ASAP3: variants seen among roughly 807,000 people sequenced by gnomAD.
ASAP3 encodes ArfGAP with SH3 domain, ankyrin repeat and PH domain 3.
A neutral mutation model predicts 118.2 loss-of-function variants in ASAP3; 85 were observed. The ratio of observed to expected loss-of-function variants is 0.72; its 90% CI spans 0.60 to 0.86. ASAP3 has a LOEUF of 0.86. Among genes scored for constraint, ASAP3 ranks in the 40% least tolerant of loss-of-function variants. The pLI is 0.00. For missense variants in ASAP3, 1,026 were observed against 1,175.0 expected, an observed-to-expected ratio of 0.87 and a Z score of 1.85; for synonymous variants, 432 against 477.4, an observed-to-expected ratio of 0.90 and a Z score of 1.24.
chr1:23,454,309 C>A (rs1406211136), intron 3 of ASAP3, among the ~76,000 whole-genome samples: 1 of 152,062 alleles, frequency 6.6e-6, no homozygotes, highest in Non-Finnish European at 1.5e-5. Flanking sequence ...GCCTCAGCCT[C>A]CTGAGTAGCT....
chr1:23,464,941 A>T (rs1346589183), intron 1 of ASAP3, among the ~76,000 whole-genome samples: 2 of 152,178 alleles, frequency 1.3e-5, no homozygotes, highest in Non-Finnish European at 2.9e-5. Context: ...GTACATCATC[A>T]TTGCTAAAAG....
Position 23,470,401 on chromosome 1 carries a change from C to G in ASAP3, c.129+13604G>C, listed in dbSNP as rs186431541. 6.7e-3 allele frequency among the ~76,000 whole-genome samples: 1,017 copies of G among 152,304 alleles called. 6 individuals are homozygous for G. The highest frequency in any genetic ancestry group is 0.01 in the Non-Finnish European group (686 of 68,016). On this transcript the variant is annotated intron_variant, in intron 1 of 24. Transcript: ENST00000336689. ...GGAGGGCAGTGCTCTTCCCAGCTAC[C>G]CCTCTGCCTCATCCATACCAAGGTG...
At chr1:23,441,064 T>G in intron 10 of ASAP3, 38 bp downstream of exon 10, 1 of 1,587,906 alleles carries the variant, frequency 6.3e-7, no homozygotes, top group Non-Finnish European at 8.6e-7. Flanking sequence ...ACTTGCAGTG[T>G]GACATTGGGC....
intron 1 of ASAP3, among the ~76,000 whole-genome samples, chr1:23,464,035 C>G (rs1641680494): frequency 6.6e-6 from 1 of 151,950 alleles, no homozygotes; most frequent in Non-Finnish European, 1.5e-5. Flanking sequence ...TCCCATGAAA[C>G]TGGATAGATG....
intron 1 of ASAP3, among the ~76,000 whole-genome samples, chr1:23,479,520 ATCTC>A (rs1642241530): frequency 6.6e-6 from 1 of 152,234 alleles, no homozygotes; most frequent in South Asian, 2.1e-4. Context: ...CTTGCAAACA[ATCTC>A]TAAGATTACA....
chr1:23,456,261 C>T, intron 1 of ASAP3, 67 bp from the exon 2 acceptor site: 1 of 1,482,146 alleles, frequency 6.7e-7, no homozygotes, highest in Admixed American at 1.9e-5. Flanking sequence ...TTCAGGAACG[C>T]TGTATCTATG....
intron 1 of ASAP3, among the ~76,000 whole-genome samples, chr1:23,456,877 G>C (rs1013568079): frequency 6.6e-6 from 1 of 152,130 alleles, no homozygotes; most frequent in South Asian, 2.1e-4. Context: ...TCACCACTGG[G>C]GAGAACTGGA....
intron 17 of ASAP3, 96 bp from the exon 18 acceptor site, chr1:23,434,714 C>A (rs1309407361): frequency 3.3e-6 from 4 of 1,211,250 alleles, no homozygotes; most frequent in Non-Finnish European, 4.7e-6. Flanking sequence ...CCTTATCCCC[C>A]CATAGGAAGC....
chr1:23,438,956 C>G lies in ASAP3; in HGVS notation c.1015-122G>C. 8.7e-7 allele frequency: 1 copy of G among 1,150,736 alleles called. No individual in the cohort carries two copies. Among genetic ancestry groups the G allele is most frequent in the African/African-American group, 1.5e-5 (1 of 66,098 alleles). 71.3% of individuals were successfully genotyped at this position (1,150,736 alleles called of 1,614,324 possible). A position where few individuals can be genotyped will look rare whatever the true frequency, so the allele number is the denominator to read the frequency against. ...CCTGTTCCATTTGTGTTTCTCCTCA[C>G]CCAGCAGCACCTCAAGGATGTGAAG... On this transcript the variant is annotated intron_variant, in intron 11 of 24. Coordinates refer to ENST00000336689, the MANE Select transcript of ASAP3 (RefSeq NM_017707.4). The surrounding 1 kb of genome is among the most constrained non-coding windows in gnomAD (Gnocchi z 4.9).
intron 18 of ASAP3, 51 bp downstream of exon 18, chr1:23,434,482 G>C (rs1640561747): frequency 6.2e-7 from 1 of 1,604,794 alleles, no homozygotes; most frequent in East Asian, 2.2e-5. Context: ...GAAGAGGAAG[G>C]AAAGGAGAGG....
Position 23,484,061 on chromosome 1 carries a change from C to T in ASAP3, c.73G>A (p.Ala25Thr). ...AEDLSSPAGA[A>T]AFAAKMPRYR... ...CGGGGCATCTTGGCGGCGAAGGCGG[C>T]GGCCCCAGCCGGGGAGCTGAGGTCC... The change falls in exon 1 of 25, where the codon GCC (alanine) becomes ACC (threonine). Residue 25 changes from alanine to threonine, a missense_variant. Physicochemically the swap from Ala to Thr is moderately conservative, Grantham distance 58. Coordinates refer to ENST00000336689, the MANE Select transcript of ASAP3 (RefSeq NM_017707.4). 2.2e-6 allele frequency: 3 copies of T among 1,348,072 alleles called. No homozygotes were observed. The highest frequency in any genetic ancestry group is 3.7e-5 in the South Asian group (2 of 54,192). 83.5% of individuals were successfully genotyped at this position (1,348,072 alleles called of 1,614,324 possible).
At chr1:23,474,947 G>A (rs1242128125) in intron 1 of ASAP3, among the ~76,000 whole-genome samples, 1 of 152,204 alleles carries the variant, frequency 6.6e-6, no homozygotes, top group Non-Finnish European at 1.5e-5. Flanking sequence ...ACCTGCATGG[G>A]AATTTCCAGG....
intron 19 of ASAP3, 120 bp from the exon 20 acceptor site, chr1:23,433,813 G>A: frequency 7.4e-7 from 1 of 1,346,354 alleles, no homozygotes; most frequent in Non-Finnish European, 1.0e-6. Context: ...GCCATTTTCT[G>A]GCTATGTGAC....
In ASAP3 at chr1:23,438,853, GGAGGATGTAT is replaced by G; in HGVS notation, c.1015-29_1015-20del. 3 of 1,612,232 alleles carry G rather than the reference GGAGGATGTAT, an allele frequency of 1.9e-6. No individual in the cohort carries two copies. Among genetic ancestry groups the G allele is most frequent in the Non-Finnish European group, 2.5e-6 (3 of 1,178,348 alleles). ...GGTTTATCTGTGGGAATTTAGGGGC[GGAGGATGTAT>G]GCATTACCTCTGGCCCTCCACATTC... On this transcript the variant is annotated intron_variant, in intron 11 of 24. Transcript: ENST00000336689. The surrounding 1 kb of genome is among the most constrained non-coding windows in gnomAD (Gnocchi z 4.9).
chr1:23,451,531 G>C lies in ASAP3; in HGVS notation c.424-3C>G. 6.2e-7 allele frequency: 1 copy of C among 1,614,060 alleles called. No individual in the cohort carries two copies. The highest frequency in any genetic ancestry group is 8.5e-7 in the Non-Finnish European group (1 of 1,179,942). ...TTCTCCAGCTGTTTTTTGGAATCCTGTGGGTTAAAAAAGGACAATTTGCCC... is the reference window on the plus strand; with the variant it reads ...TTCTCCAGCTGTTTTTTGGAATCCTCTGGGTTAAAAAAGGACAATTTGCCC... On this transcript the variant is annotated splice_polypyrimidine_tract_variant and splice_region_variant and intron_variant, in intron 4 of 24. Transcript: ENST00000336689.
chr1:23,441,044 C>A, intron 10 of ASAP3, 58 bp downstream of exon 10: 1 of 1,504,828 alleles, frequency 6.6e-7, no homozygotes, highest in South Asian at 1.1e-5. Context: ...CTTCCCCAAC[C>A]CTGTCATTTA....
chr1:23,483,285 T>G (rs1486428954), intron 1 of ASAP3, among the ~76,000 whole-genome samples: 1 of 152,102 alleles, frequency 6.6e-6, no homozygotes, highest in South Asian at 2.1e-4. Context: ...GGCCACGGGG[T>G]GTCTGTCCTA....
chr1:23,435,020 C>A (rs1454896610), intron 17 of ASAP3, among the ~76,000 whole-genome samples: 1 of 152,096 alleles, frequency 6.6e-6, no homozygotes, highest in Admixed American at 6.5e-5. Flanking sequence ...ACAGACAGTT[C>A]AAAGATACCC....
intron 5 of ASAP3, among the ~76,000 whole-genome samples, chr1:23,442,905 G>A (rs1640924104): frequency 6.6e-6 from 1 of 152,214 alleles, no homozygotes; most frequent in Admixed American, 6.5e-5. Flanking sequence ...AGCCTGAGAA[G>A]CTTGGAGGAA....
Sources: gnomAD v4.1 joint callset for allele counts (sites outside exome capture counted in the v4.1 genomes callset) on GRCh38, gnomAD v4.1.1 for gene constraint, Gnocchi (gnomAD v3.1) non-coding constraint, MANE v1.5 for transcripts, NCBI Gene and HGNC (gene_info 2026-07-23, HGNC 2026-07-21) for gene names.